Variants in COG6 observed in about 807,000 individuals in gnomAD.
COG6 encodes conserved oligomeric Golgi complex subunit 6.
A neutral mutation model predicts 88.8 loss-of-function variants in COG6; 74 were observed. The ratio of observed to expected loss-of-function variants is 0.83; its 90% confidence interval spans 0.69 to 1.01. The LOEUF is 1.01. Among genes scored for constraint, COG6 ranks in the 50% least tolerant of loss-of-function variants. The probability of loss-of-function intolerance (pLI) is 0.00; values close to 1 mark genes in which losing one functional copy is unlikely to be tolerated. For missense variants in COG6, 800 were observed against 797.9 expected, an observed-to-expected ratio of 1.00 and a Z score of -0.03; for synonymous variants, 286 against 278.7, an observed-to-expected ratio of 1.03 and a Z score of -0.26.
At chr13:39,743,578 C>A (rs1018810853) in intron 18 of COG6, among the ~76,000 whole-genome samples, 1 of 152,110 alleles carries the variant, frequency 6.6e-6, no homozygotes, top group African/African-American at 2.4e-5. Flanking sequence ...TCTGAATAGA[C>A]CAATAACAGG....
intron 8 of COG6, among the ~76,000 whole-genome samples, chr13:39,682,845 A>G (rs1258539699): frequency 1.3e-5 from 2 of 151,978 alleles, no homozygotes; most frequent in East Asian, 1.9e-4. Context: ...TTATAAAATA[A>G]AAGGTAAATA....
chr13:39,664,714 C>T (rs1875136383), intron 3 of COG6, among the ~76,000 whole-genome samples: 1 of 152,206 alleles, frequency 6.6e-6, no homozygotes, highest in Non-Finnish European at 1.5e-5. Flanking sequence ...ATTTCAGTGA[C>T]TTAGTTAACA....
At chr13:39,661,090 T>G (rs1874868695) in intron 3 of COG6, among the ~76,000 whole-genome samples, 1 of 152,216 alleles carries the variant, frequency 6.6e-6, no homozygotes, top group Non-Finnish European at 1.5e-5. Context: ...AGCATTTATA[T>G]TTTGGTCTAG....
intron 4 of COG6, among the ~76,000 whole-genome samples, chr13:39,667,544 C>T (rs1023532371): frequency 6.6e-6 from 1 of 152,114 alleles, no homozygotes; most frequent in African/African-American, 2.4e-5. Flanking sequence ...TGGTTAATTA[C>T]TTGATGTTGA....
intron 4 of COG6, among the ~76,000 whole-genome samples, chr13:39,669,498 G>T (rs1436089002): frequency 5.3e-5 from 8 of 152,278 alleles, no homozygotes. Flanking sequence ...CCTAAACTGT[G>T]AGCTCCTTGA....
chr13:39,685,938 A>G (rs1486362267), intron 8 of COG6, among the ~76,000 whole-genome samples: 1 of 152,180 alleles, frequency 6.6e-6, no homozygotes, highest in Non-Finnish European at 1.5e-5. Context: ...ACAAAGAACC[A>G]TAGTCTGGTT....
chr13:39,784,171 A>T (rs997198752), intron 18 of COG6, among the ~76,000 whole-genome samples: 9 of 152,202 alleles, frequency 5.9e-5, no homozygotes, highest in Non-Finnish European at 1.2e-4. Context: ...TTGATGAGCC[A>T]AGAGCTTCTA....
intron 18 of COG6, among the ~76,000 whole-genome samples, chr13:39,741,473 A>G (rs148232263): frequency 0.013 from 1,981 of 152,318 alleles, 52 homozygotes; most frequent in African/African-American, 0.044. Context: ...ACAAGCTTCA[A>G]TAGTCGATTT....
chr13:39,726,272 T>G (rs1189907752), intron 17 of COG6, among the ~76,000 whole-genome samples: 1 of 151,954 alleles, frequency 6.6e-6, no homozygotes, highest in Admixed American at 6.6e-5. Context: ...CATTTATCAT[T>G]TAAATAGTTA....
In COG6 at chr13:39,677,551, G is replaced by A. The variant is rs750187608; in HGVS notation, c.512G>A (p.Arg171Gln). 2.5e-6 allele frequency: 4 copies of A among 1,610,108 alleles called. No individual in the cohort carries two copies. The highest frequency in any genetic ancestry group is 4.5e-5 in the East Asian group (2 of 44,782). ...ACTTCTGATGAAATGAGTCTTCTCCGAGGTACAAGAGAAGGACCCATTACT... is the reference window on the plus strand; with the variant it reads ...ACTTCTGATGAAATGAGTCTTCTCCAAGGTACAAGAGAAGGACCCATTACT... ...QLTSDEMSLL[R>Q]GTREGPITED... Residue 171 changes from arginine (R) to glutamine (Q), a missense_variant, in exon 5 of 19, where the codon CGA (arginine) becomes CAA (glutamine). Transcript: ENST00000455146.
At chr13:39,725,105 T>C (rs1464429396) in intron 17 of COG6, among the ~76,000 whole-genome samples, 1 of 151,874 alleles carries the variant, frequency 6.6e-6, no homozygotes, top group African/African-American at 2.4e-5. Context: ...ACATATACTT[T>C]CCTCATATGT....
chr13:39,699,466 T>G (rs780670506), intron 12 of COG6, 35 bp from the exon 13 acceptor site: 4 of 1,006,774 alleles, frequency 4.0e-6, no homozygotes, highest in Non-Finnish European at 6.4e-6. Context: ...TGTTTCAGTT[T>G]CTGTTTTGCA....
chr13:39,752,735 G>A, downstream of COG6: 1 of 1,012,112 alleles, frequency 9.9e-7, no homozygotes, highest in Non-Finnish European at 1.2e-6. Flanking sequence ...CAAAACTGAG[G>A]TAATCAGTGA....
chr13:39,662,071 T>C (rs1003353387), intron 3 of COG6, among the ~76,000 whole-genome samples: 3 of 151,848 alleles, frequency 2.0e-5, no homozygotes, highest in Admixed American at 2.0e-4. Context: ...TTTTTATTTG[T>C]GCTATTTTTC....
At chr13:39,783,194 C>G (rs1158435408) in intron 18 of COG6, among the ~76,000 whole-genome samples, 2 of 152,112 alleles carry the variant, frequency 1.3e-5, no homozygotes, top group African/African-American at 2.4e-5. Context: ...TTTCAAATAA[C>G]AAATAATAAT....
intron 7 of COG6, among the ~76,000 whole-genome samples, chr13:39,680,722 C>A (rs1402146558): frequency 6.6e-6 from 1 of 152,164 alleles, no homozygotes; most frequent in Admixed American, 6.5e-5. Context: ...AGGCTGCCTG[C>A]ATTCTTCGGC....
intron 13 of COG6, among the ~76,000 whole-genome samples, chr13:39,717,534 C>T (rs1878594003): frequency 6.6e-6 from 1 of 151,760 alleles, no homozygotes; most frequent in South Asian, 2.1e-4. Context: ...CTTTAAGTTC[C>T]TGTCTTTAAG....
At chr13:39,755,411 T>A (rs1221594007), downstream of COG6, among the ~76,000 whole-genome samples, 1 of 152,160 alleles carries the variant, frequency 6.6e-6, no homozygotes, top group African/African-American at 2.4e-5. Context: ...TTATCTTGCC[T>A]GTTATGGAAC....
intron 18 of COG6, among the ~76,000 whole-genome samples, chr13:39,774,892 T>C (rs1275897124): frequency 2.0e-5 from 3 of 152,162 alleles, no homozygotes; most frequent in Non-Finnish European, 4.4e-5. Flanking sequence ...TTTCAAAGTT[T>C]ATATTTTCAC....
Sources: gnomAD v4.1 joint callset for allele counts (sites outside exome capture counted in the v4.1 genomes callset) on GRCh38, gnomAD v4.1.1 for gene constraint, MANE v1.5 for transcripts, NCBI Gene and HGNC (gene_info 2026-07-23, HGNC 2026-07-21) for gene names.